The following ULK4 variants were observed in gnomAD, a reference collection of about 807,000 sequenced individuals.
ULK4 encodes the protein inactive serine/threonine-protein kinase ULK4.
In ULK4, 133 loss-of-function variants were observed where a neutral mutation model predicts 160.6. That is an observed-to-expected ratio of 0.83 (90% CI 0.72 to 0.96). The LOEUF (loss-of-function observed/expected upper bound fraction) is 0.96, where lower values mean the gene tolerates loss of function less well. Ranked by LOEUF, ULK4 falls within the 40% of genes least tolerant of loss-of-function variation. The pLI is 0.00. For missense variants in ULK4, 1,580 were observed against 1,499.5 expected, an observed-to-expected ratio of 1.05 and a Z score of -0.89; for synonymous variants, 534 against 539.8, an observed-to-expected ratio of 0.99 and a Z score of 0.15.
At chr3:41,273,994 C>A (rs2079185444) in intron 35 of ULK4, among the ~76,000 whole-genome samples, 2 of 152,104 alleles carry the variant, frequency 1.3e-5, no homozygotes, top group Non-Finnish European at 2.9e-5. Flanking sequence ...CGAAATAAAC[C>A]TCTTTTCTTT....
intron 12 of ULK4, among the ~76,000 whole-genome samples, chr3:41,902,955 AAT>A (rs951111659): frequency 5.9e-5 from 9 of 152,218 alleles, no homozygotes; most frequent in African/African-American, 2.2e-4. Flanking sequence ...AAGACACTTA[AAT>A]ATATACATCA....
chr3:41,606,881 T>C (rs997599933), intron 31 of ULK4, among the ~76,000 whole-genome samples: 3 of 152,146 alleles, frequency 2.0e-5, no homozygotes, highest in African/African-American at 7.2e-5. Context: ...GATGAATAGT[T>C]TGCAAATATT....
chr3:41,761,379 TTAG>T (rs2038980026), intron 21 of ULK4, among the ~76,000 whole-genome samples: 1 of 148,566 alleles, frequency 6.7e-6, no homozygotes, highest in African/African-American at 2.5e-5. Context: ...TATACATATA[TTAG>T]ATTTATTATA....
intron 21 of ULK4, among the ~76,000 whole-genome samples, chr3:41,775,321 C>A (rs904663742): frequency 6.7e-6 from 1 of 149,758 alleles, no homozygotes; most frequent in Non-Finnish European, 1.5e-5. Context: ...ATTCAGTAAA[C>A]AAAATTTACA....
chr3:41,545,523 T>A (rs957105503), intron 32 of ULK4, among the ~76,000 whole-genome samples: 2 of 152,232 alleles, frequency 1.3e-5, no homozygotes, highest in African/African-American at 2.4e-5. Context: ...TTACCCTTTA[T>A]GTAATATATA....
At chr3:41,815,724 C>A (rs1385367633) in intron 19 of ULK4, among the ~76,000 whole-genome samples, 2 of 152,076 alleles carry the variant, frequency 1.3e-5, no homozygotes, top group Admixed American at 1.3e-4. Flanking sequence ...GGGCTCCTAC[C>A]TTAAATTGGG....
At chr3:41,419,252 T>C (rs1356542978) in intron 34 of ULK4, among the ~76,000 whole-genome samples, 1 of 152,100 alleles carries the variant, frequency 6.6e-6, no homozygotes, top group Non-Finnish European at 1.5e-5. Context: ...GCTCGGTGTT[T>C]CTGAGGACCA....
intron 7 of ULK4, among the ~76,000 whole-genome samples, chr3:41,917,579 CTTT>C (rs1006031347): frequency 6.6e-6 from 1 of 152,156 alleles, no homozygotes; most frequent in African/African-American, 2.4e-5. Flanking sequence ...CTTGTGCCTT[CTTT>C]TGTTTTCCTT....
At chr3:41,378,771 A>G (rs1045814911) in intron 35 of ULK4, among the ~76,000 whole-genome samples, 1 of 151,994 alleles carries the variant, frequency 6.6e-6, no homozygotes, top group Non-Finnish European at 1.5e-5. Flanking sequence ...CCTAGAACTT[A>G]AAGTATAATA....
At chr3:41,327,195 T>C (rs1421911674) in intron 35 of ULK4, among the ~76,000 whole-genome samples, 1 of 152,212 alleles carries the variant, frequency 6.6e-6, no homozygotes, top group Non-Finnish European at 1.5e-5. Flanking sequence ...AAGGATGATC[T>C]AGAACCTTCT....
At chr3:41,823,531 A>T (rs773766130) in intron 18 of ULK4, among the ~76,000 whole-genome samples, 3 of 152,264 alleles carry the variant, frequency 2.0e-5, no homozygotes, top group Non-Finnish European at 2.9e-5. Context: ...GTGTTGCCTT[A>T]TAATACCCTC....
At chr3:41,819,992 A>T (rs2041090156) in intron 18 of ULK4, among the ~76,000 whole-genome samples, 1 of 152,216 alleles carries the variant, frequency 6.6e-6, no homozygotes, top group South Asian at 2.1e-4. Flanking sequence ...TGAGCAAATA[A>T]GCGGGTACAC....
chr3:41,831,484 T>C (rs961460070), intron 18 of ULK4, among the ~76,000 whole-genome samples: 24 of 145,832 alleles, frequency 1.6e-4, no homozygotes, highest in Non-Finnish European at 2.7e-4. Context: ...GGAGCTTACA[T>C]TGAAAAATAA....
intron 35 of ULK4, among the ~76,000 whole-genome samples, chr3:41,322,799 C>A (rs2080269572): frequency 6.6e-6 from 1 of 152,100 alleles, no homozygotes; most frequent in Admixed American, 6.6e-5. Context: ...TAAATGTGTG[C>A]CAAAGATTTA....
chr3:41,509,250 A>T (rs905042215), intron 32 of ULK4, among the ~76,000 whole-genome samples: 1 of 152,146 alleles, frequency 6.6e-6, no homozygotes. Context: ...AAGGCTTTCA[A>T]ATTAATCCAA....
intron 35 of ULK4, among the ~76,000 whole-genome samples, chr3:41,335,594 C>A (rs1252386947): frequency 6.6e-6 from 1 of 152,002 alleles, no homozygotes; most frequent in African/African-American, 2.4e-5. Flanking sequence ...AAAATTATGG[C>A]CTGTGATGTG....
intron 32 of ULK4, among the ~76,000 whole-genome samples, chr3:41,493,949 C>A (rs1278699821): frequency 6.7e-6 from 1 of 150,006 alleles, no homozygotes; most frequent in Admixed American, 6.7e-5. Flanking sequence ...AGCTTACCAA[C>A]CAAAAAGAGT....
intron 35 of ULK4, among the ~76,000 whole-genome samples, chr3:41,362,042 C>G (rs1428274457): frequency 6.6e-6 from 1 of 152,152 alleles, no homozygotes; most frequent in Non-Finnish European, 1.5e-5. Flanking sequence ...TCTTACTGCC[C>G]TCTGCTTCCT....
At position 41,484,502 on chromosome 3, in the gene ULK4, G is replaced by C. The variant is rs1056975908; in HGVS notation, c.3227-21249C>G. ...GAGTCTCGCTCTGTCACCCAGGCTG[G>C]AGTGCAGTGGTGCAATCTCGGCTCA... On this transcript the variant is annotated intron_variant, in intron 32 of 36. Transcript: ENST00000301831. 1.4e-4 allele frequency among the ~76,000 whole-genome samples: 20 copies of C among 142,918 alleles called. No homozygotes were observed. The South Asian group carries it at 1.7e-3, about 12-fold the overall frequency. 93.8% of individuals were successfully genotyped at this position (142,918 alleles called of 152,430 possible).
Sources: allele counts gnomAD v4.1 joint callset (sites outside exome capture counted in the v4.1 genomes callset), GRCh38; gene constraint gnomAD v4.1.1; transcripts MANE v1.5; gene names NCBI Gene and HGNC (gene_info 2026-07-23, HGNC 2026-07-21).